Variants in LRP1B observed in about 807,000 individuals in gnomAD.
LRP1B encodes LDL receptor related protein 1B, also known as low-density lipoprotein receptor-related protein 1B.
A neutral mutation model predicts 556.6 loss-of-function variants in LRP1B; 217 were observed. That is an observed-to-expected ratio of 0.39 (90% CI 0.35 to 0.44). LRP1B has a LOEUF of 0.44. Ranked by LOEUF, LRP1B falls within the 20% of genes least tolerant of loss-of-function variation. The pLI is 1.00. For missense variants in LRP1B, 5,053 were observed against 5,620.8 expected, an observed-to-expected ratio of 0.90 and a Z score of 3.23; for synonymous variants, 2,047 against 1,865.8, an observed-to-expected ratio of 1.10 and a Z score of -2.50.
intron 1 of LRP1B, among the ~76,000 whole-genome samples, chr2:142,129,837 G>C (rs1707785985): frequency 6.6e-6 from 1 of 151,978 alleles, no homozygotes; most frequent in African/African-American, 2.4e-5. Flanking sequence ...AGGGATTCTT[G>C]ATTTTCCAGA....
intron 66 of LRP1B, among the ~76,000 whole-genome samples, chr2:140,387,987 A>G (rs1040171549): frequency 7.0e-6 from 1 of 143,654 alleles, no homozygotes; most frequent in Non-Finnish European, 1.5e-5. Flanking sequence ...CACAGGCTGG[A>G]GTGCAGTGGC....
intron 41 of LRP1B, among the ~76,000 whole-genome samples, chr2:140,691,787 T>A (rs983556566): frequency 6.6e-6 from 1 of 152,174 alleles, no homozygotes; most frequent in Non-Finnish European, 1.5e-5. Context: ...ACTAATGGTA[T>A]CTATGTTAAT....
chr2:140,647,143 A>G (rs573666396), intron 41 of LRP1B, among the ~76,000 whole-genome samples: 17 of 152,270 alleles, frequency 1.1e-4, no homozygotes, highest in African/African-American at 3.8e-4. Flanking sequence ...AACATACCAT[A>G]TTCATCAACA....
chr2:140,873,645 C>T (rs1035889581), intron 25 of LRP1B, among the ~76,000 whole-genome samples: 6 of 151,744 alleles, frequency 4.0e-5, no homozygotes, highest in Non-Finnish European at 8.8e-5. Context: ...ATAAATAATG[C>T]AGGTAAATGA....
At chr2:141,995,086 TTATA>T (rs1331730408) in intron 1 of LRP1B, among the ~76,000 whole-genome samples, 5 of 152,196 alleles carry the variant, frequency 3.3e-5, no homozygotes, top group African/African-American at 1.2e-4. Context: ...AAATAATAAT[TTATA>T]TAATAATAAT....
At chr2:140,323,830 A>T in intron 81 of LRP1B, 63 bp downstream of exon 81, 2 of 821,816 alleles carry the variant, frequency 2.4e-6, no homozygotes, top group South Asian at 4.8e-5. Flanking sequence ...AAAATATATT[A>T]TTTTGAGAGA....
intron 37 of LRP1B, among the ~76,000 whole-genome samples, chr2:140,705,409 A>T (rs996827812): frequency 1.3e-5 from 2 of 151,714 alleles, no homozygotes; most frequent in Middle Eastern, 3.2e-3. Flanking sequence ...CTGTAGTCCC[A>T]GCTACCTGGG....
At chr2:141,015,645 C>G (rs541159704) in intron 13 of LRP1B, 51 bp downstream of exon 13, 4 of 1,364,146 alleles carry the variant, frequency 2.9e-6, no homozygotes, top group Non-Finnish European at 4.1e-6. Context: ...CAACAAGGCT[C>G]TGTGAAAAAA....
chr2:142,071,943 G>A (rs1705330114), intron 1 of LRP1B, among the ~76,000 whole-genome samples: 1 of 151,920 alleles, frequency 6.6e-6, no homozygotes, highest in Non-Finnish European at 1.5e-5. Context: ...TTCTTCCTGT[G>A]ATTCCAAGTT....
chr2:140,420,308 A>G (rs1685382905), intron 66 of LRP1B, among the ~76,000 whole-genome samples: 2 of 152,206 alleles, frequency 1.3e-5, no homozygotes, highest in South Asian at 2.1e-4. Context: ...GTAAAATATC[A>G]TTAGTAATTA....
chr2:140,704,997 C>G (rs1686777575), intron 37 of LRP1B, among the ~76,000 whole-genome samples: 1 of 152,028 alleles, frequency 6.6e-6, no homozygotes, highest in South Asian at 2.1e-4. Flanking sequence ...AGCCCTAATT[C>G]TCACAGCTAT....
intron 41 of LRP1B, among the ~76,000 whole-genome samples, chr2:140,692,626 T>G (rs552742449): frequency 2.6e-5 from 4 of 152,144 alleles, no homozygotes; most frequent in African/African-American, 9.6e-5. Flanking sequence ...TTTCCTTTTC[T>G]GTCCCCTAGC....
chr2:140,747,879 T>G (rs1284723279), intron 35 of LRP1B, among the ~76,000 whole-genome samples: 1 of 151,690 alleles, frequency 6.6e-6, no homozygotes, highest in Non-Finnish European at 1.5e-5. Flanking sequence ...GACCACATTT[T>G]TCAGTATCAG....
chr2:140,701,097 T>C (rs545918012), intron 40 of LRP1B, among the ~76,000 whole-genome samples: 7 of 152,260 alleles, frequency 4.6e-5, no homozygotes, highest in South Asian at 4.1e-4. Context: ...TAAGTGAAGA[T>C]AAAAAATGCA....
At chr2:141,348,440 C>A (rs1688329291) in intron 3 of LRP1B, among the ~76,000 whole-genome samples, 1 of 151,684 alleles carries the variant, frequency 6.6e-6, no homozygotes, top group African/African-American at 2.4e-5. Flanking sequence ...ATATAATGGT[C>A]AAATATTAAT....
At chr2:140,355,751 A>T (rs1682180139) in intron 75 of LRP1B, among the ~76,000 whole-genome samples, 1 of 152,008 alleles carries the variant, frequency 6.6e-6, no homozygotes, top group East Asian at 1.9e-4. Flanking sequence ...TCTGTATTTC[A>T]TGGTTCTATA....
chr2:140,737,757 G>T (rs1162499554), intron 35 of LRP1B, among the ~76,000 whole-genome samples: 2 of 152,162 alleles, frequency 1.3e-5, no homozygotes, highest in Admixed American at 6.5e-5. Context: ...CAGGAGTAGT[G>T]GTTCCTATTA....
At chr2:140,672,271 G>C (rs1261481525) in intron 41 of LRP1B, among the ~76,000 whole-genome samples, 1 of 151,986 alleles carries the variant, frequency 6.6e-6, no homozygotes, top group Non-Finnish European at 1.5e-5. Flanking sequence ...CGGGTCACAA[G>C]GTCAGGAGTT....
chr2:141,857,854 G>C (rs564488306), intron 1 of LRP1B, among the ~76,000 whole-genome samples: 11 of 152,104 alleles, frequency 7.2e-5, no homozygotes, highest in Non-Finnish European at 1.5e-4. Flanking sequence ...CTGTACTGCA[G>C]ATATTTAAAG....
Sources: allele counts gnomAD v4.1 joint callset (sites outside exome capture counted in the v4.1 genomes callset), GRCh38; gene constraint gnomAD v4.1.1; transcripts MANE v1.5; gene names NCBI Gene and HGNC (gene_info 2026-07-23, HGNC 2026-07-21).